SPDYA: variants seen among roughly 807,000 people sequenced by gnomAD.
SPDYA encodes speedy protein A.
Under a neutral mutation model 36.7 loss-of-function variants are expected in SPDYA, and 11 were observed. That is an observed-to-expected ratio of 0.30 (90% CI 0.19 to 0.50). SPDYA has a LOEUF of 0.50. Among genes scored for constraint, SPDYA ranks in the 20% least tolerant of loss-of-function variants. The pLI, the probability that SPDYA is intolerant of heterozygous loss-of-function variation, is 0.98. For missense variants in SPDYA, 287 were observed against 370.9 expected (o/e 0.77, Z 1.86); for synonymous variants, 115 against 118.7 (o/e 0.97, Z 0.20).
At chr2:28,849,259 T>C (rs985312237) in intron 7 of SPDYA, among the ~76,000 whole-genome samples, 6 of 152,180 alleles carry the variant, frequency 3.9e-5, no homozygotes, top group African/African-American at 1.4e-4. Flanking sequence ...ATAAGTCCCA[T>C]TTGTAATTAA....
chr2:28,840,559 T>C, intron 7 of SPDYA, 90 bp downstream of exon 7: 1 of 1,498,362 alleles, frequency 6.7e-7, no homozygotes, highest in Non-Finnish European at 8.9e-7. Flanking sequence ...CATAATAATT[T>C]ATATACTCCA....
In SPDYA at chr2:28,822,429, A is replaced by G. The variant is rs759147024; in HGVS notation, c.380+19A>G. On this transcript the variant is annotated intron_variant, in intron 5 of 7. Transcript: ENST00000334056. ...TTGCTCTGTAAGTATACTTTCTACTAAGTGATTGTTGTGTTATCTATTATA... is the reference window on the plus strand; with the variant it reads ...TTGCTCTGTAAGTATACTTTCTACTGAGTGATTGTTGTGTTATCTATTATA... 4.5e-6 allele frequency: 6 copies of G among 1,330,996 alleles called. No homozygotes were observed. In the South Asian group the frequency reaches 8.1e-5, roughly 18 times the overall value. The allele number at this position is 1,330,996 out of a possible 1,614,324, so 82.4% of individuals were successfully genotyped here.
chr2:28,830,350 C>T (rs553880902), intron 6 of SPDYA, among the ~76,000 whole-genome samples: 1 of 151,704 alleles, frequency 6.6e-6, no homozygotes, highest in Non-Finnish European at 1.5e-5. Flanking sequence ...ACTACAGGCG[C>T]CCGCCACCAT....
At chr2:28,842,221 T>C (rs1668767781) in intron 7 of SPDYA, 2 of 152,180 alleles carry the variant, frequency 1.3e-5, no homozygotes, top group Admixed American at 6.5e-5. Context: ...ACGGAAGCCT[T>C]CTAGCAGACT....
chr2:28,846,265 C>T (rs561189610), intron 7 of SPDYA, among the ~76,000 whole-genome samples: 2 of 152,080 alleles, frequency 1.3e-5, no homozygotes, highest in Admixed American at 6.6e-5. Flanking sequence ...ATTAGCCAGG[C>T]GTGGTGGTGG....
At chr2:28,835,329 G>A (rs1668568749) in intron 6 of SPDYA, among the ~76,000 whole-genome samples, 1 of 151,748 alleles carries the variant, frequency 6.6e-6, no homozygotes, top group Admixed American at 6.6e-5. Context: ...GGGTTCAAGC[G>A]ATTCTCCTGC....
rs187559858 is a variant in SPDYA at position 28,829,777 on chromosome 2, C to A, written c.552+458C>A. On this transcript the variant is annotated intron_variant, in intron 6 of 7. Coordinates refer to ENST00000334056, the MANE Select transcript of SPDYA (RefSeq NM_182756.4). ...GCCAACATGGTGAAACCCGTCTCTA[C>A]TAAAAATACAAAAAAAATTAGCCGG... Among the ~76,000 whole-genome samples the A allele has an allele frequency of 7.7e-3, 1,173 of 151,788 alleles. 10 individuals carry two copies. Among genetic ancestry groups the A allele is most frequent in the African/African-American group, 0.027 (1,116 of 41,432 alleles).
intron 7 of SPDYA, among the ~76,000 whole-genome samples, chr2:28,846,045 C>T (rs1284838303): frequency 1.3e-5 from 2 of 152,150 alleles, no homozygotes; most frequent in Non-Finnish European, 1.5e-5. Flanking sequence ...CTCCCACAAT[C>T]GCAGAACTAT....
intron 5 of SPDYA, among the ~76,000 whole-genome samples, chr2:28,823,291 C>G (rs1464627017): frequency 6.6e-6 from 1 of 152,092 alleles, no homozygotes; most frequent in Non-Finnish European, 1.5e-5. Flanking sequence ...GTTTTCCAAT[C>G]TATAGGTCAG....
At chr2:28,832,510 A>C (rs963330539) in intron 6 of SPDYA, among the ~76,000 whole-genome samples, 2 of 152,160 alleles carry the variant, frequency 1.3e-5, no homozygotes, top group African/African-American at 4.8e-5. Flanking sequence ...CCAATTCCAG[A>C]TCTGCATACG....
intron 6 of SPDYA, among the ~76,000 whole-genome samples, chr2:28,832,070 A>C (rs1668491956): frequency 6.6e-6 from 1 of 152,156 alleles, no homozygotes; most frequent in African/African-American, 2.4e-5. Context: ...CTACCACTAC[A>C]TTTCTCTGCT....
chr2:28,828,996 C>G (rs954618945), intron 5 of SPDYA, 152 bp from the exon 6 acceptor site: 2 of 594,724 alleles, frequency 3.4e-6, no homozygotes, highest in African/African-American at 3.8e-5. Flanking sequence ...GTAAAATTAA[C>G]TACATGTATC....
chr2:28,834,109 C>CAA (rs1668535351), intron 6 of SPDYA, among the ~76,000 whole-genome samples: 2 of 151,858 alleles, frequency 1.3e-5, no homozygotes, highest in African/African-American at 2.4e-5. Context: ...CACACACACA[C>CAA]ACACACTTGA....
chr2:28,840,802 C>G (rs1668730642), intron 7 of SPDYA: 1 of 1,002,228 alleles, frequency 1.0e-6, no homozygotes, highest in Middle Eastern at 5.0e-4. Context: ...TGTAATCTCA[C>G]CTTCCAACTA....
At chr2:28,836,386 CTG>C (rs1668603793) in intron 6 of SPDYA, among the ~76,000 whole-genome samples, 1 of 152,194 alleles carries the variant, frequency 6.6e-6, no homozygotes, top group Non-Finnish European at 1.5e-5. Context: ...GATGCAAAAA[CTG>C]TGGCTTAGTA....
chr2:28,840,333 T>C lies in SPDYA; in HGVS notation c.714T>C (p.Val238=). 6.2e-7 allele frequency: 1 copy of C among 1,611,252 alleles called. No homozygotes were observed. The highest frequency in any genetic ancestry group is 8.5e-7 in the Non-Finnish European group (1 of 1,178,738). The change falls in exon 7 of 8, where the codon GTT becomes GTC. Residue 238 remains valine, a synonymous_variant. Transcript: ENST00000334056. ...CSLCGKKRRY[V]RLGLSSSSSL... ...TCTGTGGTAAAAAAAGAAGATATGT[T>C]AGACTGGGATTGTCTTCATCATCAT...
chr2:28,821,260 C>T (rs547305432), intron 4 of SPDYA, among the ~76,000 whole-genome samples: 49 of 125,950 alleles, frequency 3.9e-4, no homozygotes, highest in Admixed American at 1.0e-3. Flanking sequence ...AGTGCAGTGG[C>T]GTGATCTCAG....
At chr2:28,838,961 T>C (rs956728381) in intron 6 of SPDYA, among the ~76,000 whole-genome samples, 1 of 152,232 alleles carries the variant, frequency 6.6e-6, no homozygotes, top group Non-Finnish European at 1.5e-5. Context: ...CTTTGGGTCA[T>C]TGATGACTGT....
intron 6 of SPDYA, among the ~76,000 whole-genome samples, chr2:28,837,460 T>C (rs144187244): frequency 4.3e-4 from 65 of 152,304 alleles, no homozygotes; most frequent in African/African-American, 1.5e-3. Flanking sequence ...TATAATTAAA[T>C]GAATGGTCAA....
Sources: allele counts gnomAD v4.1 joint callset (sites outside exome capture counted in the v4.1 genomes callset), GRCh38; gene constraint gnomAD v4.1.1; transcripts MANE v1.5; gene names NCBI Gene and HGNC (gene_info 2026-07-23, HGNC 2026-07-21).